MYO5B: variants seen among roughly 807,000 people sequenced by gnomAD.
MYO5B encodes unconventional myosin-Vb.
A neutral mutation model predicts 229.3 loss-of-function variants in MYO5B; 143 were observed. The observed-to-expected ratio is 0.62, with a 90% CI of 0.54 to 0.72. The LOEUF is 0.72. MYO5B is among the 30% of genes least tolerant of loss of function. MYO5B has a pLI of 0.00. For missense variants in MYO5B, 2,321 were observed against 2,331.0 expected, an observed-to-expected ratio of 1.00 and a Z score of 0.09; for synonymous variants, 918 against 885.2, an observed-to-expected ratio of 1.04 and a Z score of -0.66.
chr18:50,133,237 A>G (rs907475454), intron 1 of MYO5B, among the ~76,000 whole-genome samples: 2 of 148,084 alleles, frequency 1.4e-5, no homozygotes, highest in Non-Finnish European at 3.0e-5. Context: ...ATACAGAAAC[A>G]CTATTTTTGT....
chr18:49,937,650 C>T (rs772935353), intron 14 of MYO5B, among the ~76,000 whole-genome samples: 1 of 152,078 alleles, frequency 6.6e-6, no homozygotes, highest in Non-Finnish European at 1.5e-5. Flanking sequence ...TTAATAAATT[C>T]AATATAAAGA....
chr18:50,176,127 T>G (rs1249225623), intron 1 of MYO5B, among the ~76,000 whole-genome samples: 1 of 152,250 alleles, frequency 6.6e-6, no homozygotes, highest in African/African-American at 2.4e-5. Context: ...CCTTAAAATA[T>G]GTCATTGAAA....
At chr18:49,830,962 A>G (rs2023912128) in intron 39 of MYO5B, among the ~76,000 whole-genome samples, 2 of 150,280 alleles carry the variant, frequency 1.3e-5, no homozygotes, top group South Asian at 4.2e-4. Flanking sequence ...GACCAATAGA[A>G]TATAAGGGCC....
intron 33 of MYO5B, among the ~76,000 whole-genome samples, chr18:49,845,384 C>G (rs1186122454): frequency 6.6e-6 from 1 of 152,208 alleles, no homozygotes; most frequent in Non-Finnish European, 1.5e-5. Context: ...ATGTCACAAT[C>G]TGTTCTTCCT....
intron 9 of MYO5B, among the ~76,000 whole-genome samples, chr18:49,977,211 T>C (rs2025761135): frequency 6.6e-6 from 1 of 152,138 alleles, no homozygotes; most frequent in Non-Finnish European, 1.5e-5. Context: ...TTTAACATCG[T>C]ACAATTACAT....
chr18:50,170,880 C>T (rs2032911815), intron 1 of MYO5B, among the ~76,000 whole-genome samples: 1 of 128,196 alleles, frequency 7.8e-6, no homozygotes, highest in Non-Finnish European at 1.7e-5. Context: ...TTTACCCAAA[C>T]TTAGAAGAAA....
At chr18:50,162,856 T>C (rs1173598499) in intron 1 of MYO5B, among the ~76,000 whole-genome samples, 1 of 152,184 alleles carries the variant, frequency 6.6e-6, no homozygotes, top group Non-Finnish European at 1.5e-5. Flanking sequence ...TCACAGCTGA[T>C]GCCTCCCCAT....
At chr18:50,070,277 G>A (rs1383461553) in intron 1 of MYO5B, among the ~76,000 whole-genome samples, 1 of 152,044 alleles carries the variant, frequency 6.6e-6, no homozygotes, top group Non-Finnish European at 1.5e-5. Flanking sequence ...GTACGCCTCA[G>A]CCTCCCAAAG....
intron 4 of MYO5B, among the ~76,000 whole-genome samples, chr18:50,013,804 C>T (rs2026187728): frequency 6.6e-6 from 1 of 152,226 alleles, no homozygotes; most frequent in African/African-American, 2.4e-5. Flanking sequence ...TCACTTGCTT[C>T]ACAGAGACGG....
At chr18:50,037,998 C>A (rs2029893569) in intron 3 of MYO5B, among the ~76,000 whole-genome samples, 1 of 152,160 alleles carries the variant, frequency 6.6e-6, no homozygotes, top group Non-Finnish European at 1.5e-5. Flanking sequence ...CACCTTGTGT[C>A]CCCTAAAGAA....
intron 21 of MYO5B, among the ~76,000 whole-genome samples, chr18:49,896,728 C>A (rs762860726): frequency 3.9e-5 from 6 of 152,064 alleles, no homozygotes; most frequent in African/African-American, 9.7e-5. Flanking sequence ...GACTCTAATG[C>A]GAAGTATGAT....
In MYO5B at chr18:49,890,639, A is replaced by C. The variant is rs542785700; in HGVS notation, c.3045+4302T>G. Among the ~76,000 whole-genome samples, 5 of 152,356 alleles carry C rather than the reference A, an allele frequency of 3.3e-5. No homozygotes were observed. The South Asian group carries it at 1.0e-3, about 32-fold the overall frequency. The stretch of plus-strand genomic sequence containing the variant: ...CAAGAGGGATATTAGTACTATAAGA[A>C]GACCCAGCGCAAGGTTTCTAGTAGC... On this transcript the variant is annotated intron_variant, in intron 22 of 39. Coordinates refer to ENST00000285039, the MANE Select transcript of MYO5B (RefSeq NM_001080467.3).
chr18:50,091,275 A>G (rs547322539), intron 1 of MYO5B, among the ~76,000 whole-genome samples: 1 of 152,330 alleles, frequency 6.6e-6, no homozygotes, highest in South Asian at 2.1e-4. Context: ...CGTATTTACT[A>G]ACATCAATGC....
chr18:50,089,597 A>T (rs112772746), intron 1 of MYO5B, among the ~76,000 whole-genome samples: 8,120 of 151,330 alleles, frequency 0.054, 262 homozygotes, highest in African/African-American at 0.094. Context: ...AAAAATCAAA[A>T]AATTAGCCAG....
intron 16 of MYO5B, among the ~76,000 whole-genome samples, chr18:49,933,182 C>G (rs1310964668): frequency 3.3e-5 from 5 of 152,204 alleles, no homozygotes; most frequent in African/African-American, 1.2e-4. Flanking sequence ...AGTCACATCT[C>G]AGAACTCTGA....
chr18:49,960,944 G>A (rs1568048656), intron 12 of MYO5B, among the ~76,000 whole-genome samples: 1 of 152,198 alleles, frequency 6.6e-6, no homozygotes, highest in South Asian at 2.1e-4. Context: ...AGCCACACCA[G>A]CTTAGCATCC....
chr18:50,124,387 C>T (rs1014814562), intron 1 of MYO5B, among the ~76,000 whole-genome samples: 10 of 152,178 alleles, frequency 6.6e-5, no homozygotes, highest in African/African-American at 2.4e-4. Context: ...ACACCTTTTC[C>T]CATGCACATG....
chr18:49,935,824 G>A (rs1332520803), intron 16 of MYO5B, among the ~76,000 whole-genome samples: 3 of 152,170 alleles, frequency 2.0e-5, no homozygotes, highest in Non-Finnish European at 2.9e-5. Flanking sequence ...AGCAGCAGAT[G>A]GGAATGTGAG....
intron 2 of MYO5B, among the ~76,000 whole-genome samples, chr18:50,049,579 C>G (rs981201193): frequency 1.3e-5 from 2 of 152,190 alleles, no homozygotes; most frequent in African/African-American, 4.8e-5. Context: ...AGTTTCCCAG[C>G]CTTGTCACTG....
Sources: allele counts gnomAD v4.1 joint callset (sites outside exome capture counted in the v4.1 genomes callset), GRCh38; gene constraint gnomAD v4.1.1; transcripts MANE v1.5; gene names NCBI Gene and HGNC (gene_info 2026-07-23, HGNC 2026-07-21).